Variants in SOX5 observed in about 807,000 individuals in gnomAD.
SOX5 encodes the protein transcription factor SOX-5.
SOX5 carries 9 observed loss-of-function variants against 92.0 expected under a neutral mutation model. That is an observed-to-expected ratio of 0.10 (90% CI 0.06 to 0.17). The LOEUF (loss-of-function observed/expected upper bound fraction) is 0.17, where lower values mean the gene tolerates loss of function less well. SOX5 is among the 10% of genes least tolerant of loss of function. The pLI, the probability that SOX5 is intolerant of heterozygous loss-of-function variation, is 1.00. For missense variants in SOX5, 642 were observed against 944.5 expected, an observed-to-expected ratio of 0.68 and a Z score of 4.20; for synonymous variants, 344 against 336.3, an observed-to-expected ratio of 1.02 and a Z score of -0.25.
In SOX5 at chr12:24,377,697, C is replaced by T. The variant is rs117714401; in HGVS notation, c.-250-9058G>A. Among the ~76,000 whole-genome samples the T allele has an allele frequency of 4.1e-3, 625 of 152,322 alleles. 3 individuals are homozygous for T. Among genetic ancestry groups the T allele is most frequent in the Non-Finnish European group, 6.6e-3 (449 of 68,032 alleles). ...TATTTTTGGAAAGACAACAGGAATT[C>T]CTGTTCTCATTCACTAGCTGTATAA... is the stretch of plus-strand genomic sequence containing the variant. On this transcript the variant is annotated intron_variant, in intron 1 of 4. Coordinates refer to the SOX5 transcript ENST00000446891.
intron 1 of SOX5, among the ~76,000 whole-genome samples, chr12:24,464,834 T>G (rs1345829308): frequency 6.6e-6 from 1 of 152,232 alleles, no homozygotes; most frequent in Non-Finnish European, 1.5e-5. Context: ...GCTAGTAATG[T>G]AGGCACTTTC....
chr12:24,195,830 G>C (rs1308383633), intron 4 of SOX5, among the ~76,000 whole-genome samples: 2 of 152,168 alleles, frequency 1.3e-5, no homozygotes, highest in African/African-American at 4.8e-5. Flanking sequence ...ATACTCTTAA[G>C]AAACATCCTA....
chr12:24,527,569 TA>T (rs1174406881), intron 1 of SOX5, among the ~76,000 whole-genome samples: 1 of 152,204 alleles, frequency 6.6e-6, no homozygotes, highest in East Asian at 1.9e-4. Context: ...CTACTATCAG[TA>T]AGGAGGACTC....
intron 2 of SOX5, among the ~76,000 whole-genome samples, chr12:23,892,956 C>G (rs546867447): frequency 1.3e-5 from 2 of 152,146 alleles, no homozygotes; most frequent in African/African-American, 4.8e-5. Flanking sequence ...CTACGGTGAG[C>G]TATGATTGTG....
intron 6 of SOX5, among the ~76,000 whole-genome samples, chr12:23,703,602 A>G (rs1336695905): frequency 6.6e-6 from 1 of 151,946 alleles, no homozygotes; most frequent in Non-Finnish European, 1.5e-5. Flanking sequence ...CTGCAGTGGA[A>G]TGGATCCTTC....
At position 23,745,788 on chromosome 12, in the gene SOX5, A is replaced by G. The variant is rs184109979; in HGVS notation, c.569-4749T>C. Among the ~76,000 whole-genome samples, 1,105 of 124,926 alleles carry G rather than the reference A, an allele frequency of 8.8e-3. 6 individuals carry two copies. Among genetic ancestry groups the G allele is most frequent in the South Asian group, 0.045 (181 of 4,046 alleles). The allele number at this position is 124,926 out of a possible 152,430, so 82.0% of individuals were successfully genotyped here. On this transcript the variant is annotated intron_variant, in intron 4 of 14. Coordinates refer to ENST00000451604, the MANE Select transcript of SOX5 (RefSeq NM_006940.6). ...CAGCATATGTGTAGATCTTTATTAT[A>G]GTATTGAATCATTGCATTGTATTAT...
intron 4 of SOX5, among the ~76,000 whole-genome samples, chr12:24,176,904 C>G (rs1215478039): frequency 1.3e-5 from 2 of 151,826 alleles, no homozygotes; most frequent in African/African-American, 4.8e-5. Flanking sequence ...ACCAATAGAC[C>G]AAAGCATTGT....
At chr12:24,263,385 G>A (rs1409262217) in intron 3 of SOX5, among the ~76,000 whole-genome samples, 13 of 151,698 alleles carry the variant, frequency 8.6e-5, no homozygotes, top group Admixed American at 2.6e-4. Context: ...AAAATTAGCC[G>A]GGCGTGGTGG....
intron 1 of SOX5, among the ~76,000 whole-genome samples, chr12:24,434,812 A>G (rs1939087691): frequency 6.6e-6 from 1 of 152,232 alleles, no homozygotes; most frequent in Admixed American, 6.5e-5. Flanking sequence ...TGCTAGCATC[A>G]TGCTTTCTGT....
intron 1 of SOX5, among the ~76,000 whole-genome samples, chr12:24,561,927 C>T (rs920753512): frequency 2.6e-5 from 4 of 152,226 alleles, no homozygotes; most frequent in Non-Finnish European, 5.9e-5. Flanking sequence ...GTTCTCCCCG[C>T]ACTCTCCTCT....
At chr12:24,557,628 G>A (rs766639766) in intron 1 of SOX5, among the ~76,000 whole-genome samples, 13 of 151,998 alleles carry the variant, frequency 8.6e-5, no homozygotes, top group African/African-American at 2.7e-4. Context: ...TACAAACTGC[G>A]TATCAAACTA....
rs770985746 is a variant in SOX5 at position 23,684,166 on chromosome 12, AT to A, written c.811-18603del. 3.2e-4 allele frequency among the ~76,000 whole-genome samples: 49 copies of A among 152,174 alleles called. No homozygotes were observed. The Middle Eastern group carries it at 0.014, about 42-fold the overall frequency. On this transcript the variant is annotated intron_variant, in intron 6 of 14. Coordinates refer to ENST00000451604, the MANE Select transcript of SOX5 (RefSeq NM_006940.6). The stretch of plus-strand genomic sequence containing the variant: ...GTTCCATTTCTAAGCCACTATAGGT[AT>A]TAAACAGCAATTTACATGTGATTTG...
chr12:24,190,034 G>A (rs1956373496), intron 4 of SOX5, among the ~76,000 whole-genome samples: 1 of 152,170 alleles, frequency 6.6e-6, no homozygotes, highest in South Asian at 2.1e-4. Context: ...GTTTCATGTA[G>A]ACAATGAGAA....
intron 1 of SOX5, among the ~76,000 whole-genome samples, chr12:24,450,493 T>G (rs74434062): frequency 0.22 from 33,533 of 150,816 alleles, 4,471 homozygotes; most frequent in East Asian, 0.66. Flanking sequence ...TTTATTTATT[T>G]ATTTATTTAT....
At chr12:24,203,555 T>A (rs1482579240) in intron 4 of SOX5, among the ~76,000 whole-genome samples, 5 of 152,224 alleles carry the variant, frequency 3.3e-5, no homozygotes, top group African/African-American at 1.2e-4. Context: ...TTTCTTGATA[T>A]CTAAGATAAA....
At chr12:23,537,159 T>C (rs1940709854) in intron 13 of SOX5, among the ~76,000 whole-genome samples, 2 of 152,246 alleles carry the variant, frequency 1.3e-5, no homozygotes, top group East Asian at 1.9e-4. Flanking sequence ...ACAGGAATGG[T>C]AGTAATTAAA....
At chr12:23,648,379 A>T (rs1423910213) in intron 7 of SOX5, among the ~76,000 whole-genome samples, 6 of 152,192 alleles carry the variant, frequency 3.9e-5, no homozygotes, top group African/African-American at 1.4e-4. Context: ...TACTTTTTAT[A>T]TGTGTCATGG....
intron 3 of SOX5, among the ~76,000 whole-genome samples, chr12:23,803,791 A>C (rs1311823165): frequency 6.6e-6 from 1 of 152,220 alleles, no homozygotes; most frequent in Non-Finnish European, 1.5e-5. Flanking sequence ...CAACCATAAG[A>C]AAGTCCTTCC....
intron 2 of SOX5, among the ~76,000 whole-genome samples, chr12:24,320,797 G>C (rs187344448): frequency 1.3e-5 from 2 of 151,598 alleles, no homozygotes; most frequent in African/African-American, 4.9e-5. Flanking sequence ...CCTGGGAGGC[G>C]GAGCTTGCAG....
Sources: allele counts gnomAD v4.1 joint callset (sites outside exome capture counted in the v4.1 genomes callset), GRCh38; gene constraint gnomAD v4.1.1; transcripts MANE v1.5; gene names NCBI Gene and HGNC (gene_info 2026-07-23, HGNC 2026-07-21).